MYH11: variants seen among roughly 807,000 people sequenced by gnomAD.
MYH11 encodes the protein myosin-11.
MYH11 carries 80 observed loss-of-function variants against 246.6 expected under a neutral mutation model. That is an observed-to-expected ratio of 0.32 (90% CI 0.27 to 0.39). The LOEUF is 0.39. Ranked by LOEUF, MYH11 falls within the 10% of genes least tolerant of loss-of-function variation. MYH11 has a pLI of 1.00. For synonymous variants in MYH11, 1,071 were observed against 1,015.5 expected, an observed-to-expected ratio of 1.05 and a Z score of -1.04; for missense variants, 2,158 against 2,546.8, an observed-to-expected ratio of 0.85 and a Z score of 3.29.
At position 15,782,695 on chromosome 16, in the gene MYH11, AG is replaced by A. The variant is rs1178817991; in HGVS notation, c.634-219del. On this transcript the variant is annotated intron_variant, in intron 5 of 40. Transcript: ENST00000300036. Reference sequence around the variant, plus strand: ...CTAATAGCTAGGACATCTGCTCCCTAGGAAGGTCACTTTTTTCAAGACCAGG... The same window carrying A: ...CTAATAGCTAGGACATCTGCTCCCTAGAAGGTCACTTTTTTCAAGACCAGG... 6.3e-5 allele frequency: 34 copies of A among 541,944 alleles called. No homozygotes were observed. In the Admixed American group the frequency reaches 1.1e-3, roughly 17 times the overall value. 33.6% of individuals were successfully genotyped at this position (541,944 alleles called of 1,614,324 possible). A position where few individuals can be genotyped will look rare whatever the true frequency, so the allele number is the denominator to read the frequency against.
intron 3 of MYH11, among the ~76,000 whole-genome samples, chr16:15,803,278 A>T (rs2042931139): frequency 7.0e-6 from 1 of 143,610 alleles, no homozygotes; most frequent in Non-Finnish European, 1.5e-5. Flanking sequence ...AACCAGTTTA[A>T]TTTTTTTTTT....
intron 5 of MYH11, chr16:15,785,008 ATT>A (rs398028825): frequency 9.2e-3 from 902 of 97,728 alleles, no homozygotes; most frequent in South Asian, 0.022. Flanking sequence ...AATTCTCTTG[ATT>A]TTTTTTTTTT....
At chr16:15,846,238 C>G (rs982163082) in intron 1 of MYH11, among the ~76,000 whole-genome samples, 1 of 152,068 alleles carries the variant, frequency 6.6e-6, no homozygotes, top group Non-Finnish European at 1.5e-5. Context: ...TGGCACAGTA[C>G]CTGACACATT....
intron 3 of MYH11, among the ~76,000 whole-genome samples, chr16:15,807,200 C>T (rs2043034188): frequency 6.6e-6 from 1 of 151,862 alleles, no homozygotes; most frequent in Admixed American, 6.6e-5. Context: ...GTAATATTAC[C>T]CAGGCTGGTC....
intron 28 of MYH11, chr16:15,726,581 T>G (rs2040771848): frequency 3.6e-6 from 2 of 554,802 alleles, no homozygotes; most frequent in South Asian, 4.1e-5. Flanking sequence ...TTGGCCAGAC[T>G]GGTCTCAAAC....
intron 27 of MYH11, among the ~76,000 whole-genome samples, chr16:15,729,853 A>G (rs1015905586): frequency 1.3e-5 from 2 of 151,824 alleles, no homozygotes; most frequent in African/African-American, 4.8e-5. Flanking sequence ...ACCCAGCCTA[A>G]TTTTATGTAT....
At chr16:15,777,822 A>G (rs2042259365) in intron 7 of MYH11, among the ~76,000 whole-genome samples, 2 of 152,190 alleles carry the variant, frequency 1.3e-5, no homozygotes, top group Admixed American at 1.3e-4. Context: ...TCCAGAAACT[A>G]GGTGCAATCA....
At chr16:15,769,992 A>G (rs1027323022) in intron 9 of MYH11, among the ~76,000 whole-genome samples, 1 of 152,218 alleles carries the variant, frequency 6.6e-6, no homozygotes, top group Non-Finnish European at 1.5e-5. Flanking sequence ...AAATAAAACT[A>G]TACTGAACAG....
chr16:15,722,384 T>C (rs766852429), intron 31 of MYH11, among the ~76,000 whole-genome samples: 13 of 152,258 alleles, frequency 8.5e-5, no homozygotes, highest in African/African-American at 1.4e-4. Context: ...CAGAGAACAT[T>C]CCATGCTCAC....
intron 1 of MYH11, among the ~76,000 whole-genome samples, chr16:15,850,645 C>A (rs981797442): frequency 6.6e-6 from 1 of 151,958 alleles, no homozygotes; most frequent in Non-Finnish European, 1.5e-5. Flanking sequence ...GTCTGTAATC[C>A]CAACACTGGG....
chr16:15,824,793 G>A (rs1479600002), intron 2 of MYH11, among the ~76,000 whole-genome samples: 2 of 152,118 alleles, frequency 1.3e-5, no homozygotes, highest in Non-Finnish European at 2.9e-5. Context: ...CCATATCTAA[G>A]AAGAAACCCC....
chr16:15,788,651 G>A (rs1482732575), intron 4 of MYH11, among the ~76,000 whole-genome samples: 2 of 152,142 alleles, frequency 1.3e-5, no homozygotes, highest in African/African-American at 4.8e-5. Context: ...AACATCTTGC[G>A]GTGACTTTGT....
At chr16:15,791,605 C>T (rs1392057377) in intron 4 of MYH11, 1 of 152,056 alleles carries the variant, frequency 6.6e-6, no homozygotes, top group Non-Finnish European at 1.5e-5. Context: ...AGTCATTTAG[C>T]CTCTCCATAC....
chr16:15,768,247 G>T (rs1000009173), intron 9 of MYH11, among the ~76,000 whole-genome samples: 4 of 152,172 alleles, frequency 2.6e-5, no homozygotes, highest in Admixed American at 2.6e-4. Context: ...TGTACCACCA[G>T]GGATACACAG....
At chr16:15,727,541 A>C (rs1419538622) in intron 27 of MYH11, among the ~76,000 whole-genome samples, 1 of 152,148 alleles carries the variant, frequency 6.6e-6, no homozygotes, top group Non-Finnish European at 1.5e-5. Context: ...ATGGGTTGCA[A>C]TCTGGAATCC....
At chr16:15,756,610 C>T (rs909300389) in intron 13 of MYH11, 96 bp from the exon 14 acceptor site, 2 of 1,259,886 alleles carry the variant, frequency 1.6e-6, no homozygotes, top group Non-Finnish European at 2.3e-6. Flanking sequence ...TGGGCATCCG[C>T]CGAGATCTGA....
rs181043086 is a variant in MYH11, at chr16:15,766,744, A to C, written c.1034-2853T>G. ...GGCCGATCTCTCCTGTGGGCTCAGGAACCATTGGTTTGCACTTTCTGGTAT... is the reference window on the plus strand; with the variant it reads ...GGCCGATCTCTCCTGTGGGCTCAGGCACCATTGGTTTGCACTTTCTGGTAT... On this transcript the variant is annotated intron_variant, in intron 9 of 40. Coordinates refer to ENST00000300036, the MANE Select transcript of MYH11 (RefSeq NM_002474.3). Among the ~76,000 whole-genome samples, 314 of 152,302 alleles carry C rather than the reference A, an allele frequency of 2.1e-3. 2 individuals are homozygous for C. Among genetic ancestry groups the C allele is most frequent in the Non-Finnish European group, 2.7e-3 (184 of 68,036 alleles).
In MYH11 at chr16:15,838,234, G is replaced by C. The variant is rs1461846939; in HGVS notation, c.19C>G (p.Leu7Val). ...AAGAGGAACTTCTCATCGTCACTGA[G>C]TTGGCCCTTCTGCGCCATGGTGCCT... MAQKGQLSDDEKFLFVD... is the reference protein window; with the variant it reads MAQKGQVSDDEKFLFVD... Residue 7 changes from leucine to valine, a missense_variant, in exon 2 of 41, where the codon CTC (leucine) becomes GTC (valine). Transcript: ENST00000300036. 1 of 1,613,956 alleles carries C rather than the reference G, an allele frequency of 6.2e-7. No homozygotes were observed. The highest frequency in any genetic ancestry group is 8.5e-7 in the Non-Finnish European group (1 of 1,180,030).
At position 15,785,008 on chromosome 16, in the gene MYH11, A is replaced by ATTTTTTTTTTTTTTTT. The variant is rs398028825; in HGVS notation, c.633+1606_633+1621dup. ...ACACCAGGCCCAGCTAATTCTCTTG[A>ATTTTTTTTTTTTTTTT]TTTTTTTTTTTTTTTTTTTTTGGTA... is the stretch of plus-strand genomic sequence containing the variant. On this transcript the variant is annotated intron_variant, in intron 5 of 40. Coordinates refer to ENST00000300036, the MANE Select transcript of MYH11 (RefSeq NM_002474.3). 9.2e-5 allele frequency: 9 copies of ATTTTTTTTTTTTTTTT among 97,928 alleles called. 2 individuals are homozygous for ATTTTTTTTTTTTTTTT. The highest frequency in any genetic ancestry group is 2.7e-4 in the South Asian group (1 of 3,714). The allele number at this position is 97,928 out of a possible 1,614,324, so 6.1% of individuals were successfully genotyped here. A position where few individuals can be genotyped will look rare whatever the true frequency, so the allele number is the denominator to read the frequency against.
Sources: gnomAD v4.1 joint callset for allele counts (sites outside exome capture counted in the v4.1 genomes callset) on GRCh38, gnomAD v4.1.1 for gene constraint, MANE v1.5 for transcripts, NCBI Gene and HGNC (gene_info 2026-07-23, HGNC 2026-07-21) for gene names.